Variants in FRMPD2 observed in about 807,000 individuals in gnomAD.
The protein encoded by FRMPD2 is FERM and PDZ domain-containing protein 2.
In FRMPD2, 96 loss-of-function variants were observed where a neutral mutation model predicts 140.1. That is an observed-to-expected ratio of 0.69 (90% CI 0.58 to 0.81). FRMPD2 has a LOEUF of 0.81. Ranked by LOEUF, FRMPD2 falls within the 40% of genes least tolerant of loss-of-function variation. The pLI, the probability that FRMPD2 is intolerant of heterozygous loss-of-function variation, is 0.00. For synonymous variants in FRMPD2, 449 were observed against 547.6 expected, an observed-to-expected ratio of 0.82 and a Z score of 2.52; for missense variants, 1,240 against 1,447.4, an observed-to-expected ratio of 0.86 and a Z score of 2.32.
rs138040307 is a variant in FRMPD2, at chr10:48,249,493, G to C, written c.152-315C>G. Among the ~76,000 whole-genome samples the C allele has an allele frequency of 6.6e-4, 100 of 152,340 alleles. 1 individual carries two copies. The East Asian group carries it at 0.017, about 26-fold the overall frequency. ...CACAAGCCTGAGTTCTCTAGAGACA[G>C]ACCAGGATCCAAGGCAGCTGGTCTT... On this transcript the variant is annotated intron_variant, in intron 2 of 28. Transcript: ENST00000374201.
chr10:48,239,502 C>T (rs144975531), intron 7 of FRMPD2, 103 bp downstream of exon 7: 2 of 750,468 alleles, frequency 2.7e-6, no homozygotes, highest in Admixed American at 2.6e-5. Flanking sequence ...TCTGGAGGAG[C>T]AAGAGGCTTC....
At chr10:48,250,721 A>ACAGT (rs1840356913) in intron 2 of FRMPD2, among the ~76,000 whole-genome samples, 1 of 151,186 alleles carries the variant, frequency 6.6e-6, no homozygotes, top group South Asian at 2.1e-4. Flanking sequence ...CTTATGCCTT[A>ACAGT]CAGTTGCTCT....
chr10:48,206,700 T>C (rs755524166), intron 14 of FRMPD2, 48 bp downstream of exon 14: 40 of 1,531,080 alleles, frequency 2.6e-5, no homozygotes, highest in Non-Finnish European at 3.3e-5. Flanking sequence ...GGCCAACAAA[T>C]CAAAGGAAAA....
chr10:48,252,800 G>T (rs1840415328), intron 1 of FRMPD2, among the ~76,000 whole-genome samples: 1 of 152,158 alleles, frequency 6.6e-6, no homozygotes, highest in Non-Finnish European at 1.5e-5. Flanking sequence ...TAAGTCCAAG[G>T]TAATCAAGTA....
chr10:48,222,356 C>T lies in FRMPD2; in HGVS notation c.1412G>A (p.Gly471Glu). ...AAACTCAGCCTGCAAGGCAAGGACC[C>T]CCAGCTGCAGCAGTATCTCTTCATT... ...YCNEEILLQLGVLALQAEFGN... is the reference protein window; with the variant it reads ...YCNEEILLQLEVLALQAEFGN... The change falls in exon 12 of 29, where the codon GGG (glycine) becomes GAG (glutamate). Residue 471 changes from glycine to glutamate, a missense_variant. Gly to Glu is a moderately conservative substitution (Grantham distance 98). This residue lies in a region of FRMPD2 where 1,161 missense variants were observed against 1,055.9 expected (regional missense o/e 1.10). Coordinates refer to ENST00000374201, the MANE Select transcript of FRMPD2 (RefSeq NM_001018071.4). 1 of 1,614,178 alleles carries T rather than the reference C, an allele frequency of 6.2e-7. No individual in the cohort carries two copies. Among genetic ancestry groups the T allele is most frequent in the Non-Finnish European group, 8.5e-7 (1 of 1,180,024 alleles).
chr10:48,204,554 G>A (rs1366066461), intron 14 of FRMPD2, among the ~76,000 whole-genome samples: 2 of 152,106 alleles, frequency 1.3e-5, no homozygotes, highest in African/African-American at 2.4e-5. Flanking sequence ...ATCAGGGTAC[G>A]CCATTAAAAA....
chr10:48,211,918 A>G, intron 13 of FRMPD2, 36 bp downstream of exon 13: 1 of 1,599,886 alleles, frequency 6.3e-7, no homozygotes, highest in South Asian at 1.1e-5. Flanking sequence ...ATTCCCTTGA[A>G]GACCAACACC....
At chr10:48,196,786 T>C (rs1838963756) in intron 15 of FRMPD2, among the ~76,000 whole-genome samples, 1 of 152,200 alleles carries the variant, frequency 6.6e-6, no homozygotes, top group Non-Finnish European at 1.5e-5. Flanking sequence ...TCTAAACTCA[T>C]CCTTTCAATG....
chr10:48,204,768 C>T (rs758905348), intron 14 of FRMPD2, among the ~76,000 whole-genome samples: 5 of 152,126 alleles, frequency 3.3e-5, no homozygotes, highest in Non-Finnish European at 7.3e-5. Flanking sequence ...CCCTAAATAG[C>T]GTGTGTCTGC....
chr10:48,198,346 T>G (rs1303764826), intron 15 of FRMPD2, among the ~76,000 whole-genome samples: 1 of 152,210 alleles, frequency 6.6e-6, no homozygotes, highest in Non-Finnish European at 1.5e-5. Context: ...AACTATGCTA[T>G]TCAATACAGT....
At chr10:48,197,617 C>A (rs1457654210) in intron 15 of FRMPD2, among the ~76,000 whole-genome samples, 1 of 152,158 alleles carries the variant, frequency 6.6e-6, no homozygotes, top group Non-Finnish European at 1.5e-5. Flanking sequence ...TGCAAGCTCC[C>A]AGATGACATG....
intron 16 of FRMPD2, among the ~76,000 whole-genome samples, chr10:48,191,443 T>G (rs1838828281): frequency 6.6e-6 from 1 of 152,228 alleles, no homozygotes; most frequent in Non-Finnish European, 1.5e-5. Flanking sequence ...ACAATGGTCA[T>G]TGTTTTAAGC....
intron 2 of FRMPD2, 91 bp from the exon 3 acceptor site, chr10:48,249,269 C>T: frequency 7.8e-7 from 1 of 1,281,096 alleles, no homozygotes; most frequent in South Asian, 1.4e-5. Flanking sequence ...CTGGCAGTAC[C>T]CATCTCTGGG....
At position 48,223,178 on chromosome 10, in the gene FRMPD2, T is replaced by TA; in HGVS notation, c.1260dup (p.Thr421TyrfsTer44). On this transcript the variant is annotated frameshift_variant, in exon 11 of 29. Transcript: ENST00000374201. LOFTEE classifies it high-confidence loss of function. ...TTTATCCTCAGGAAGAGTGTGAAGG[T>TA]ATTCATGGAGGTCTTCTGAGGCTGC... The TA allele has an allele frequency of 6.2e-7, 1 of 1,613,948 alleles. No homozygotes were observed. The highest frequency in any genetic ancestry group is 8.5e-7 in the Non-Finnish European group (1 of 1,179,894).
intron 1 of FRMPD2, among the ~76,000 whole-genome samples, chr10:48,252,953 A>G (rs910881286): frequency 1.3e-5 from 2 of 150,262 alleles, no homozygotes; most frequent in African/African-American, 4.9e-5. Context: ...ACTGTTTGAG[A>G]CTTATGGACT....
At chr10:48,258,988 A>G (rs935474039) in intron 1 of FRMPD2, among the ~76,000 whole-genome samples, 2 of 152,210 alleles carry the variant, frequency 1.3e-5, no homozygotes, top group Non-Finnish European at 2.9e-5. Flanking sequence ...TGTAAAGTCT[A>G]TTTCTGAGCA....
intron 16 of FRMPD2, among the ~76,000 whole-genome samples, chr10:48,191,000 G>T (rs1838818424): frequency 6.6e-6 from 1 of 152,244 alleles, no homozygotes; most frequent in African/African-American, 2.4e-5. Context: ...CAAGGTCTTG[G>T]ACGCTCCTAC....
intron 28 of FRMPD2, among the ~76,000 whole-genome samples, chr10:48,161,098 C>T (rs2132385495): frequency 6.6e-6 from 1 of 151,216 alleles, no homozygotes; most frequent in South Asian, 2.1e-4. Context: ...ATTGAGAGAG[C>T]CAGGATACTG....
chr10:48,251,659 C>A lies in FRMPD2; in HGVS notation c.58G>T (p.Ala20Ser). The change falls in exon 2 of 29, where the codon GCC becomes TCC. Residue 20 changes from alanine to serine, a missense_variant. Ala to Ser is a moderately conservative substitution (Grantham distance 99). Coordinates refer to ENST00000374201, the MANE Select transcript of FRMPD2 (RefSeq NM_001018071.4). ...MSLSSVTLAS[A>S]LQVRGEALSE... is the part of the protein sequence containing the mutation. Reference sequence around the variant, plus strand: ...AGAGCTTCACCCCTGACCTGTAGGGCGCTGGCCAGCGTCACAGAGGACAGG... The same window carrying A: ...AGAGCTTCACCCCTGACCTGTAGGGAGCTGGCCAGCGTCACAGAGGACAGG... 1.2e-6 allele frequency: 2 copies of A among 1,614,224 alleles called. No homozygotes were observed. Among genetic ancestry groups the A allele is most frequent in the Non-Finnish European group, 1.7e-6 (2 of 1,180,022 alleles).
Sources: gnomAD v4.1 joint callset for allele counts (sites outside exome capture counted in the v4.1 genomes callset) on GRCh38, gnomAD v4.1.1 for gene constraint, gnomAD v4.1.1 regional missense constraint, MANE v1.5 for transcripts, NCBI Gene and HGNC (gene_info 2026-07-23, HGNC 2026-07-21) for gene names.